Variants in CNOT6 observed in about 807,000 individuals in gnomAD.
The protein encoded by CNOT6 is CCR4-NOT transcription complex subunit 6, also known as carbon catabolite repression 4 protein.
CNOT6 carries 12 observed loss-of-function variants against 61.2 expected under a neutral mutation model. That is an observed-to-expected ratio of 0.20 (90% CI 0.13 to 0.32). The LOEUF is 0.32. Among genes scored for constraint, CNOT6 ranks in the 10% least tolerant of loss-of-function variants. The probability of loss-of-function intolerance (pLI) is 1.00; values close to 1 mark genes in which losing one functional copy is unlikely to be tolerated. For missense variants in CNOT6, 405 were observed against 663.9 expected (o/e 0.61, Z 4.28); for synonymous variants, 225 against 240.6 (o/e 0.94, Z 0.60).
chr5:180,529,079 C>A lies in CNOT6; in HGVS notation c.-2-196C>A, dbSNP rs184280987. On this transcript the variant is annotated intron_variant, in intron 1 of 11. Coordinates refer to ENST00000261951, the MANE Select transcript of CNOT6 (RefSeq NM_001370472.1). The stretch of plus-strand genomic sequence containing the variant: ...CAAAAATGAGCCCGGCATGGTGGTG[C>A]ACGCCTATAGTCCCAGCTACTTGGG... Among the ~76,000 whole-genome samples, 188 of 151,952 alleles carry A rather than the reference C, an allele frequency of 1.2e-3. 1 individual carries two copies. The highest frequency in any genetic ancestry group is 3.4e-3 in the Middle Eastern group (1 of 294).
intron 4 of CNOT6, among the ~76,000 whole-genome samples, chr5:180,563,923 T>G (rs1004864062): frequency 6.7e-6 from 1 of 148,310 alleles, no homozygotes; most frequent in Non-Finnish European, 1.5e-5. Context: ...AGATGGCTCA[T>G]GGCCCTGGGA....
In CNOT6 at chr5:180,565,994, A is replaced by T; in HGVS notation, c.717+17A>T. 6.2e-7 allele frequency: 1 copy of T among 1,606,182 alleles called. No homozygotes were observed. The highest frequency in any genetic ancestry group is 8.5e-7 in the Non-Finnish European group (1 of 1,175,246). The stretch of plus-strand genomic sequence containing the variant: ...AGTCTTCAGGTAAGTCAGACAGAAG[A>T]CAGTCAACCTAGCATTGATAAAGGA... On this transcript the variant is annotated intron_variant, in intron 7 of 11. Coordinates refer to ENST00000261951, the MANE Select transcript of CNOT6 (RefSeq NM_001370472.1).
rs74828081 is a variant in CNOT6 at position 180,537,047 on chromosome 5, C to T, written c.112+7659C>T. Among the ~76,000 whole-genome samples the T allele has an allele frequency of 3.7e-3, 563 of 152,316 alleles. 3 individuals carry two copies. The highest frequency in any genetic ancestry group is 0.012 in the African/African-American group (507 of 41,576). On this transcript the variant is annotated intron_variant, in intron 2 of 11. Coordinates refer to ENST00000261951, the MANE Select transcript of CNOT6 (RefSeq NM_001370472.1). ...ATGTACCAGTTTATTTACCCAGTCA[C>T]CTACTGAAGGACATCTTGGTTGCCT... is the stretch of plus-strand genomic sequence containing the variant.
chr5:180,538,741 G>A (rs1169400511), intron 2 of CNOT6, among the ~76,000 whole-genome samples: 1 of 146,550 alleles, frequency 6.8e-6, no homozygotes, highest in Non-Finnish European at 1.5e-5. Flanking sequence ...AGGTGTGGTA[G>A]TGTGCAACTG....
intron 1 of CNOT6, among the ~76,000 whole-genome samples, chr5:180,527,424 T>C (rs1758150662): frequency 1.3e-5 from 2 of 152,346 alleles, no homozygotes; most frequent in Admixed American, 1.3e-4. Context: ...GTATTATTTT[T>C]ACTTTAAAAA....
At position 180,506,650 on chromosome 5, in the gene CNOT6, T is replaced by G. The variant is rs73812321; in HGVS notation, c.-3+11887T>G. 3.7e-3 allele frequency among the ~76,000 whole-genome samples: 567 copies of G among 152,342 alleles called. 3 individuals carry two copies. The highest frequency in any genetic ancestry group is 0.012 in the African/African-American group (510 of 41,586). On this transcript the variant is annotated intron_variant, in intron 1 of 11. Transcript: ENST00000261951. Reference sequence around the variant, plus strand: ...TATAGTTTAAGTTTGTCCCCTTGCTTCTTACCTCAGGCTATCCCAGAACCA... The same window carrying G: ...TATAGTTTAAGTTTGTCCCCTTGCTGCTTACCTCAGGCTATCCCAGAACCA...
intron 4 of CNOT6, among the ~76,000 whole-genome samples, chr5:180,555,891 C>T (rs1759860127): frequency 6.6e-6 from 1 of 152,180 alleles, no homozygotes; most frequent in South Asian, 2.1e-4. Context: ...TGGCAGGCTT[C>T]ACTTTTTCCC....
intron 2 of CNOT6, among the ~76,000 whole-genome samples, chr5:180,535,410 G>A (rs1758632511): frequency 6.6e-6 from 1 of 152,174 alleles, no homozygotes; most frequent in African/African-American, 2.4e-5. Flanking sequence ...GAGAACATCG[G>A]TATTTGACTG....
chr5:180,551,699 G>A (rs936737456), intron 3 of CNOT6, among the ~76,000 whole-genome samples: 6 of 152,064 alleles, frequency 3.9e-5, no homozygotes, highest in African/African-American at 1.4e-4. Context: ...CTTTCCTGCT[G>A]CCTTCTGCCA....
intron 1 of CNOT6, among the ~76,000 whole-genome samples, chr5:180,519,930 T>C (rs992712117): frequency 1.3e-5 from 2 of 152,004 alleles, no homozygotes; most frequent in African/African-American, 2.4e-5. Flanking sequence ...GCCTCCTGGA[T>C]TCAAGGGATT....
chr5:180,543,024 A>G (rs890261705), intron 2 of CNOT6, among the ~76,000 whole-genome samples: 5 of 152,066 alleles, frequency 3.3e-5, no homozygotes, highest in Non-Finnish European at 7.4e-5. Context: ...TTCTGTTACT[A>G]ATCTTTTAAA....
chr5:180,529,672 T>G (rs1422810559), intron 2 of CNOT6, among the ~76,000 whole-genome samples: 1 of 152,156 alleles, frequency 6.6e-6, no homozygotes, highest in East Asian at 1.9e-4. Context: ...GAAATGAAAA[T>G]AACACATGTG....
At chr5:180,561,189 G>A (rs1380724775) in intron 4 of CNOT6, among the ~76,000 whole-genome samples, 2 of 152,184 alleles carry the variant, frequency 1.3e-5, no homozygotes, top group Non-Finnish European at 2.9e-5. Context: ...CTGGCCTCAA[G>A]TGATCCTCCT....
chr5:180,509,807 A>T lies in CNOT6; in HGVS notation c.-3+15044A>T, dbSNP rs1013812355. On this transcript the variant is annotated intron_variant, in intron 1 of 11. Transcript: ENST00000261951. ...GTGATCCTCCTACCGTGGCCTAGTA[A>T]GACCTTTTTGATACCTTGGTGTTTT... Among the ~76,000 whole-genome samples, 11 of 149,574 alleles carry T rather than the reference A, an allele frequency of 7.4e-5. 1 individual carries two copies. The highest frequency in any genetic ancestry group is 7.4e-4 in the Admixed American group (11 of 14,958).
At chr5:180,502,635 G>A (rs1756916361) in intron 1 of CNOT6, among the ~76,000 whole-genome samples, 1 of 152,148 alleles carries the variant, frequency 6.6e-6, no homozygotes, top group Non-Finnish European at 1.5e-5. Context: ...TAATAAATTA[G>A]CCAGTGGCTC....
At chr5:180,557,649 C>G (rs1759966527) in intron 4 of CNOT6, among the ~76,000 whole-genome samples, 1 of 152,046 alleles carries the variant, frequency 6.6e-6, no homozygotes, top group Non-Finnish European at 1.5e-5. Context: ...ACATATTTCT[C>G]TCAGTATGTA....
At chr5:180,499,338 C>T (rs564611293) in intron 1 of CNOT6, among the ~76,000 whole-genome samples, 2 of 152,200 alleles carry the variant, frequency 1.3e-5, no homozygotes, top group Non-Finnish European at 2.9e-5. Context: ...CTGGAAAATT[C>T]AACCCTATGT....
At chr5:180,549,144 A>G (rs966251352) in intron 2 of CNOT6, among the ~76,000 whole-genome samples, 1 of 152,212 alleles carries the variant, frequency 6.6e-6, no homozygotes, top group Non-Finnish European at 1.5e-5. Flanking sequence ...AGTTATCACT[A>G]GGGTACTCAG....
chr5:180,547,712 CGTTT>C (rs1759383222), intron 2 of CNOT6, among the ~76,000 whole-genome samples: 1 of 151,968 alleles, frequency 6.6e-6, no homozygotes, highest in Admixed American at 6.6e-5. Context: ...AATTTTCATA[CGTTT>C]GAGTTCATGG....
Sources: allele counts gnomAD v4.1 joint callset (sites outside exome capture counted in the v4.1 genomes callset), GRCh38; gene constraint gnomAD v4.1.1; transcripts MANE v1.5; gene names NCBI Gene and HGNC (gene_info 2026-07-23, HGNC 2026-07-21).